Variants in PDGFRA observed in about 807,000 individuals in gnomAD.
The protein encoded by PDGFRA is platelet-derived growth factor receptor alpha.
A neutral mutation model predicts 121.5 loss-of-function variants in PDGFRA; 25 were observed. The ratio of observed to expected loss-of-function variants is 0.21; its 90% CI spans 0.15 to 0.29. PDGFRA has a LOEUF of 0.29. Among genes scored for constraint, PDGFRA ranks in the 10% least tolerant of loss-of-function variants. PDGFRA has a pLI of 1.00. For synonymous variants in PDGFRA, 463 were observed against 494.8 expected (o/e 0.94, Z 0.85); for missense variants, 1,008 against 1,345.1 (o/e 0.75, Z 3.92).
In PDGFRA at chr4:54,273,797, T is replaced by A. The variant is rs964083163; in HGVS notation, c.1558+67T>A. The A allele has an allele frequency of 3.0e-6, 4 of 1,321,892 alleles. No individual in the cohort carries two copies. In the African/African-American group the frequency reaches 5.8e-5, roughly 19 times the overall value. The allele number at this position is 1,321,892 out of a possible 1,614,324, so 81.9% of individuals were successfully genotyped here. ...CATCTGCCCCAGGCGGAACTTTGAA[T>A]CCCAGATAGGGGTTATATAGAAATG... is the stretch of plus-strand genomic sequence containing the variant. On this transcript the variant is annotated intron_variant, in intron 10 of 22. Transcript: ENST00000257290.
At chr4:54,245,486 T>C (rs1242602780) in intron 1 of PDGFRA, among the ~76,000 whole-genome samples, 6 of 152,008 alleles carry the variant, frequency 3.9e-5, no homozygotes, top group Non-Finnish European at 5.9e-5. Flanking sequence ...GAAGGAGAAA[T>C]AAAATACTTT....
chr4:54,236,090 T>A (rs953920999), intron 1 of PDGFRA, among the ~76,000 whole-genome samples: 1 of 152,228 alleles, frequency 6.6e-6, no homozygotes, highest in Non-Finnish European at 1.5e-5. Flanking sequence ...ATGGCAAATG[T>A]TTTTTGAGCT....
intron 5 of PDGFRA, among the ~76,000 whole-genome samples, chr4:54,266,336 G>A (rs534320172): frequency 1.3e-5 from 2 of 152,026 alleles, no homozygotes; most frequent in Non-Finnish European, 2.9e-5. Flanking sequence ...ACTTCCCAGA[G>A]CATCACTGTT....
At chr4:54,267,961 AG>A (rs1723135062) in intron 7 of PDGFRA, among the ~76,000 whole-genome samples, 1 of 152,206 alleles carries the variant, frequency 6.6e-6, no homozygotes, top group Non-Finnish European at 1.5e-5. Context: ...AAGAACTAAA[AG>A]CTCTGGCCCC....
chr4:54,229,980 G>C (rs1341969619), intron 1 of PDGFRA: 1 of 151,974 alleles, frequency 6.6e-6, no homozygotes, highest in Admixed American at 6.6e-5. Flanking sequence ...GGAGGGGGGC[G>C]CGCGAAGGGG....
At chr4:54,273,440 G>T in intron 9 of PDGFRA, 97 bp from the exon 10 acceptor site, 1 of 941,732 alleles carries the variant, frequency 1.1e-6, no homozygotes, top group Non-Finnish European at 1.7e-6. Context: ...TGCAGACAAG[G>T]TCCCAACTCC....
At chr4:54,251,483 C>A (rs543062867) in intron 1 of PDGFRA, among the ~76,000 whole-genome samples, 147 of 152,224 alleles carry the variant, frequency 9.7e-4, no homozygotes, top group African/African-American at 3.4e-3. Context: ...CAGTAAGAAT[C>A]TTTTCTTTTG....
chr4:54,284,890 T>C (rs1397295075), intron 16 of PDGFRA, among the ~76,000 whole-genome samples: 1 of 136,620 alleles, frequency 7.3e-6, no homozygotes, highest in Non-Finnish European at 1.6e-5. Flanking sequence ...TTTTTTTTTT[T>C]TTTTTTTTTT....
chr4:54,248,394 C>T (rs1439030843), intron 1 of PDGFRA, among the ~76,000 whole-genome samples: 1 of 152,110 alleles, frequency 6.6e-6, no homozygotes, highest in African/African-American at 2.4e-5. Context: ...CAGAACAGAA[C>T]CCTCAGAAAT....
At chr4:54,279,616 C>T (rs1422831389) in intron 15 of PDGFRA, among the ~76,000 whole-genome samples, 1 of 151,724 alleles carries the variant, frequency 6.6e-6, no homozygotes, top group South Asian at 2.1e-4. Context: ...TGAGTAAATT[C>T]TTCAGTGGTG....
chr4:54,257,084 A>G (rs1722416069), intron 1 of PDGFRA, among the ~76,000 whole-genome samples: 1 of 152,194 alleles, frequency 6.6e-6, no homozygotes, highest in Admixed American at 6.5e-5. Context: ...GGAAGCCGAA[A>G]CCCACCAAAA....
At chr4:54,251,969 A>G (rs749885516) in intron 1 of PDGFRA, among the ~76,000 whole-genome samples, 1 of 152,204 alleles carries the variant, frequency 6.6e-6, no homozygotes, top group Non-Finnish European at 1.5e-5. Context: ...TTGTCCCACT[A>G]TGATTTGTCT....
At chr4:54,271,722 T>TTTCC (rs910572864) in intron 8 of PDGFRA, among the ~76,000 whole-genome samples, 35 of 145,634 alleles carry the variant, frequency 2.4e-4, no homozygotes, top group Non-Finnish European at 2.9e-4. Flanking sequence ...TCTCTTTTTC[T>TTTCC]TTCCTTCCTT....
intron 1 of PDGFRA, among the ~76,000 whole-genome samples, chr4:54,246,521 G>A (rs1317658096): frequency 6.6e-6 from 1 of 152,114 alleles, no homozygotes; most frequent in Non-Finnish European, 1.5e-5. Flanking sequence ...GAACCGACGA[G>A]AACAAAGACA....
At chr4:54,244,734 T>C (rs1030029769) in intron 1 of PDGFRA, among the ~76,000 whole-genome samples, 1 of 151,984 alleles carries the variant, frequency 6.6e-6, no homozygotes, top group African/African-American at 2.4e-5. Flanking sequence ...CTTTGACGAG[T>C]TGAGAGAAGA....
rs1333764312 is a variant in PDGFRA, at chr4:54,278,012, C to T, written c.2002+6C>T. ...GGGAGCCTGCACCAAGTCAGGTGGG[C>T]TCACTGACCTGGAGTGAGGATTTTC... is the stretch of plus-strand genomic sequence containing the variant. On this transcript the variant is annotated splice_donor_region_variant and intron_variant, in intron 14 of 22. Transcript: ENST00000257290. The T allele has an allele frequency of 1.3e-6, 2 of 1,543,410 alleles. No homozygotes were observed. The highest frequency in any genetic ancestry group is 1.8e-6 in the Non-Finnish European group (2 of 1,115,660).
At chr4:54,236,771 C>CAG (rs1721039258) in intron 1 of PDGFRA, among the ~76,000 whole-genome samples, 2 of 151,980 alleles carry the variant, frequency 1.3e-5, no homozygotes, top group South Asian at 4.2e-4. Context: ...CCACTGCACT[C>CAG]CAGCCCAGGC....
intron 1 of PDGFRA, among the ~76,000 whole-genome samples, chr4:54,233,698 G>GGAC (rs148508652): frequency 0.25 from 37,452 of 152,004 alleles, 4,911 homozygotes; most frequent in Admixed American, 0.33. Flanking sequence ...ATTGAGAATG[G>GGAC]GACGTCCTTG....
intron 21 of PDGFRA, 34 bp downstream of exon 21, chr4:54,289,148 T>C: frequency 8.1e-7 from 1 of 1,236,758 alleles, no homozygotes; most frequent in Non-Finnish European, 1.2e-6. Context: ...AAGGTCTGGA[T>C]AAAGCTGGAA....
Sources: allele counts gnomAD v4.1 joint callset (sites outside exome capture counted in the v4.1 genomes callset), GRCh38; gene constraint gnomAD v4.1.1; transcripts MANE v1.5; gene names NCBI Gene and HGNC (gene_info 2026-07-23, HGNC 2026-07-21).